The following ZFHX3 variants were observed in gnomAD, a reference collection of about 807,000 sequenced individuals.
ZFHX3 encodes zinc finger homeobox protein 3.
Under a neutral mutation model 279.1 loss-of-function variants are expected in ZFHX3, and 42 were observed. That is an observed-to-expected ratio of 0.15 (90% CI 0.12 to 0.19). The LOEUF (loss-of-function observed/expected upper bound fraction) is 0.19, where lower values mean the gene tolerates loss of function less well. Among genes scored for constraint, ZFHX3 ranks in the 10% least tolerant of loss-of-function variants. The pLI is 1.00. For synonymous variants in ZFHX3, 2,293 were observed against 1,957.8 expected, an observed-to-expected ratio of 1.17 and a Z score of -4.52; for missense variants, 4,981 against 4,754.0, an observed-to-expected ratio of 1.05 and a Z score of -1.40.
chr16:73,115,980 C>T (rs762262345), intron 7 of ZFHX3, among the ~76,000 whole-genome samples: 5 of 151,984 alleles, frequency 3.3e-5, no homozygotes, highest in Non-Finnish European at 7.4e-5. Flanking sequence ...ATTAGCCGGG[C>T]GTGGTGATGC....
chr16:73,008,968 A>C (rs1273237873), intron 1 of ZFHX3, among the ~76,000 whole-genome samples: 1 of 151,830 alleles, frequency 6.6e-6, no homozygotes, highest in East Asian at 1.9e-4. Flanking sequence ...TAAAAAGCTT[A>C]ATGAGGTTCC....
intron 2 of ZFHX3, among the ~76,000 whole-genome samples, chr16:73,477,524 G>T (rs1368458167): frequency 6.6e-6 from 1 of 152,198 alleles, no homozygotes; most frequent in Non-Finnish European, 1.5e-5. Flanking sequence ...GTTCTATGGT[G>T]GGGCTGCTCA....
chr16:73,687,131 G>A (rs950361941), intron 1 of ZFHX3, among the ~76,000 whole-genome samples: 9 of 143,834 alleles, frequency 6.3e-5, no homozygotes, highest in Non-Finnish European at 9.0e-5. Flanking sequence ...GCTTACAACT[G>A]TAATCCCAAC....
chr16:73,270,910 T>TA (rs1380030069), intron 4 of ZFHX3, among the ~76,000 whole-genome samples: 2 of 152,240 alleles, frequency 1.3e-5, no homozygotes, highest in Admixed American at 1.3e-4. Context: ...AAAAGATCTC[T>TA]AAACCAAGGG....
intron 4 of ZFHX3, among the ~76,000 whole-genome samples, chr16:72,846,113 C>T (rs1272831152): frequency 1.3e-5 from 2 of 152,200 alleles, no homozygotes; most frequent in African/African-American, 2.4e-5. Context: ...TCTCATGGGG[C>T]AGGGGCAGGA....
chr16:73,099,879 T>C (rs1213239643), intron 7 of ZFHX3, among the ~76,000 whole-genome samples: 1 of 151,854 alleles, frequency 6.6e-6, no homozygotes, highest in East Asian at 1.9e-4. Flanking sequence ...TTGGATTATC[T>C]TGGAATACCT....
chr16:73,714,695 G>T (rs886556274), intron 1 of ZFHX3, among the ~76,000 whole-genome samples: 1 of 152,140 alleles, frequency 6.6e-6, no homozygotes, highest in Non-Finnish European at 1.5e-5. Flanking sequence ...TTACTGTGTG[G>T]TTTCCTTGGG....
chr16:73,259,900 CAT>C (rs1487696828), intron 4 of ZFHX3, among the ~76,000 whole-genome samples: 3 of 152,166 alleles, frequency 2.0e-5, no homozygotes, highest in African/African-American at 7.2e-5. Flanking sequence ...AAGAAATTAA[CAT>C]TGCTATAATA....
intron 5 of ZFHX3, among the ~76,000 whole-genome samples, chr16:73,252,808 CA>C (rs2013549841): frequency 6.6e-6 from 1 of 152,074 alleles, no homozygotes; most frequent in South Asian, 2.1e-4. Context: ...GTTCATAGAC[CA>C]ACGGGCAGAC....
chr16:73,485,938 C>T (rs904671719), intron 2 of ZFHX3, among the ~76,000 whole-genome samples: 1 of 152,292 alleles, frequency 6.6e-6, no homozygotes, highest in Non-Finnish European at 1.5e-5. Context: ...ATCACTTTTC[C>T]AAGGCTGTGA....
At chr16:73,039,384 T>TG (rs1965029612) in intron 1 of ZFHX3, among the ~76,000 whole-genome samples, 1 of 152,140 alleles carries the variant, frequency 6.6e-6, no homozygotes, top group Non-Finnish European at 1.5e-5. Context: ...GGTGTCTAAA[T>TG]GGGGGGAGTG....
At chr16:73,442,912 A>G (rs1042990795) in intron 3 of ZFHX3, among the ~76,000 whole-genome samples, 2 of 152,134 alleles carry the variant, frequency 1.3e-5, no homozygotes, top group African/African-American at 4.8e-5. Flanking sequence ...AACCCGGCTA[A>G]TTTTTTATTT....
At chr16:72,914,874 C>G (rs2039403850) in intron 3 of ZFHX3, among the ~76,000 whole-genome samples, 1 of 152,016 alleles carries the variant, frequency 6.6e-6, no homozygotes, top group African/African-American at 2.4e-5. Flanking sequence ...GCCTATAGTC[C>G]CAGCTACTCG....
chr16:73,681,517 A>C (rs543067437), intron 1 of ZFHX3, among the ~76,000 whole-genome samples: 1 of 152,346 alleles, frequency 6.6e-6, no homozygotes, highest in South Asian at 2.1e-4. Flanking sequence ...ATGAAATTTC[A>C]TTCGAATAGT....
chr16:73,736,651 C>T (rs2053612482), intron 1 of ZFHX3, among the ~76,000 whole-genome samples: 1 of 152,142 alleles, frequency 6.6e-6, no homozygotes, highest in Non-Finnish European at 1.5e-5. Flanking sequence ...GAGTACAGAC[C>T]AAAGGAAAGA....
intron 2 of ZFHX3, among the ~76,000 whole-genome samples, chr16:73,633,050 G>A (rs2052492337): frequency 6.6e-6 from 1 of 152,206 alleles, no homozygotes; most frequent in Non-Finnish European, 1.5e-5. Flanking sequence ...CTGCACTCTA[G>A]GCTGGACAAC....
intron 1 of ZFHX3, among the ~76,000 whole-genome samples, chr16:73,722,448 C>A (rs904655490): frequency 4.6e-5 from 7 of 152,198 alleles, no homozygotes; most frequent in Admixed American, 4.6e-4. Context: ...TCACTCTTGG[C>A]TCTGATTTTT....
chr16:73,085,985 CAAAAAAAAAAAA>C (rs57128744), intron 8 of ZFHX3, among the ~76,000 whole-genome samples: 5 of 54,220 alleles, frequency 9.2e-5, no homozygotes, highest in African/African-American at 2.4e-4. Flanking sequence ...AACTCAATTG[CAAAAAAAAAAAA>C]AAAAAAAAAA....
intron 1 of ZFHX3, among the ~76,000 whole-genome samples, chr16:73,800,215 C>T (rs993073449): frequency 6.6e-6 from 1 of 151,774 alleles, no homozygotes; most frequent in Middle Eastern, 3.2e-3. Flanking sequence ...CCATAAATTA[C>T]TATTGTAATT....
Sources: gnomAD v4.1 joint callset for allele counts (sites outside exome capture counted in the v4.1 genomes callset) on GRCh38, gnomAD v4.1.1 for gene constraint, MANE v1.5 for transcripts, NCBI Gene and HGNC (gene_info 2026-07-23, HGNC 2026-07-21) for gene names.